Variants in ERC2 observed in about 807,000 individuals in gnomAD.
ERC2 encodes ERC protein 2.
In ERC2, 42 loss-of-function variants were observed where a neutral mutation model predicts 114.8. The ratio of observed to expected loss-of-function variants is 0.37; its 90% CI spans 0.29 to 0.47. The LOEUF (loss-of-function observed/expected upper bound fraction) is 0.47, where lower values mean the gene tolerates loss of function less well. Ranked by LOEUF, ERC2 falls within the 20% of genes least tolerant of loss-of-function variation. The pLI, the probability that ERC2 is intolerant of heterozygous loss-of-function variation, is 0.99. For missense variants in ERC2, 939 were observed against 1,150.7 expected (o/e 0.82, Z 2.66); for synonymous variants, 454 against 425.5 (o/e 1.07, Z -0.82).
intron 13 of ERC2, among the ~76,000 whole-genome samples, chr3:55,920,447 C>CACACACAG (rs59688935): frequency 7.2e-6 from 1 of 139,620 alleles, no homozygotes. Context: ...CACACACACA[C>CACACACAG]CCCAAGTGAG....
chr3:56,349,435 T>C (rs570167855), intron 2 of ERC2, among the ~76,000 whole-genome samples: 1 of 152,240 alleles, frequency 6.6e-6, no homozygotes, highest in Admixed American at 6.5e-5. Context: ...AATTACCAGA[T>C]GTGAACTAAG....
intron 2 of ERC2, among the ~76,000 whole-genome samples, chr3:56,316,425 A>T (rs1184490303): frequency 6.6e-6 from 1 of 152,212 alleles, no homozygotes; most frequent in African/African-American, 2.4e-5. Context: ...TGCTGTTATT[A>T]TGAGTTACTG....
rs538677586 is a variant in ERC2, at chr3:55,957,686, G to T, written c.2268-7126C>A. 4.6e-5 allele frequency among the ~76,000 whole-genome samples: 7 copies of T among 152,316 alleles called. No individual in the cohort carries two copies. The East Asian group carries it at 1.4e-3, about 29-fold the overall frequency. ...TGAGGGGTGTGTGAGCAAGCATGGGGTCTGACTACTACGCACAGCCAGGTG... is the reference window on the plus strand; with the variant it reads ...TGAGGGGTGTGTGAGCAAGCATGGGTTCTGACTACTACGCACAGCCAGGTG... On this transcript the variant is annotated intron_variant, in intron 12 of 17. Transcript: ENST00000288221.
intron 2 of ERC2, among the ~76,000 whole-genome samples, chr3:56,326,427 AC>A (rs947279261): frequency 6.6e-5 from 10 of 152,118 alleles, no homozygotes; most frequent in Admixed American, 3.9e-4. Flanking sequence ...GTCTCAACCC[AC>A]CCACCCAAAC....
At chr3:56,032,917 A>AGAGAGAGAGACAGAC (rs1560056305) in intron 7 of ERC2, among the ~76,000 whole-genome samples, 1 of 75,966 alleles carries the variant, frequency 1.3e-5, no homozygotes, top group African/African-American at 4.1e-5. Context: ...GAAAGAAAGA[A>AGAGAGAGAGACAGAC]AGAAAGAAAG....
At chr3:56,380,035 C>T (rs2059690019) in intron 2 of ERC2, among the ~76,000 whole-genome samples, 1 of 151,992 alleles carries the variant, frequency 6.6e-6, no homozygotes, top group Non-Finnish European at 1.5e-5. Flanking sequence ...GCACCCCGGG[C>T]CCCCTCACTA....
intron 2 of ERC2, among the ~76,000 whole-genome samples, chr3:56,358,545 A>G (rs578198046): frequency 6.6e-6 from 1 of 152,374 alleles, no homozygotes; most frequent in East Asian, 1.9e-4. Context: ...TGTGGTACGT[A>G]ATGCAACTAT....
chr3:55,655,481 T>A (rs1243880986), intron 17 of ERC2, among the ~76,000 whole-genome samples: 1 of 152,238 alleles, frequency 6.6e-6, no homozygotes, highest in Non-Finnish European at 1.5e-5. Context: ...CTATCATAAA[T>A]AAATCTAGAT....
chr3:56,263,259 C>A (rs1430868554), intron 3 of ERC2, among the ~76,000 whole-genome samples: 2 of 151,794 alleles, frequency 1.3e-5, no homozygotes, highest in African/African-American at 2.4e-5. Context: ...CCATCACTTC[C>A]CCCATGAAGA....
intron 14 of ERC2, among the ~76,000 whole-genome samples, chr3:55,738,801 G>A (rs1157268067): frequency 6.6e-6 from 1 of 152,306 alleles, no homozygotes; most frequent in Middle Eastern, 3.4e-3. Context: ...TGGTGCACAT[G>A]TGCAGAATGT....
intron 14 of ERC2, among the ~76,000 whole-genome samples, chr3:55,873,572 A>C (rs1039529985): frequency 6.6e-6 from 1 of 152,242 alleles, no homozygotes; most frequent in Non-Finnish European, 1.5e-5. Flanking sequence ...AAACATGAAT[A>C]ATCTGATGAT....
At chr3:55,591,026 A>G (rs1432136289) in intron 17 of ERC2, among the ~76,000 whole-genome samples, 2 of 151,930 alleles carry the variant, frequency 1.3e-5, no homozygotes, top group African/African-American at 2.4e-5. Context: ...ATGGGGTTTC[A>G]CCACGTTGGC....
intron 7 of ERC2, among the ~76,000 whole-genome samples, chr3:56,034,776 T>C (rs1331960527): frequency 1.3e-5 from 2 of 151,516 alleles, no homozygotes; most frequent in African/African-American, 4.9e-5. Context: ...TTGAAACAAA[T>C]AAAAATGGAA....
intron 1 of ERC2, among the ~76,000 whole-genome samples, chr3:56,448,160 C>T (rs2062666031): frequency 1.3e-5 from 2 of 152,124 alleles, no homozygotes; most frequent in Non-Finnish European, 2.9e-5. Flanking sequence ...GTATATGACC[C>T]AAAAGCACTT....
chr3:56,007,409 A>C (rs1026617774), intron 9 of ERC2, 88 bp from the exon 10 acceptor site: 16 of 1,191,058 alleles, frequency 1.3e-5, no homozygotes, highest in Non-Finnish European at 1.7e-5. Context: ...TATACATAGC[A>C]ATAAAGTGTG....
At chr3:55,676,688 A>G (rs1238369570) in intron 17 of ERC2, among the ~76,000 whole-genome samples, 1 of 151,976 alleles carries the variant, frequency 6.6e-6, no homozygotes. Flanking sequence ...TTTCCTTCAC[A>G]TGCTCTTTTC....
rs1575943103 is a variant in ERC2 at position 55,870,156 on chromosome 3, C to T, written c.2564+18233G>A. Among the ~76,000 whole-genome samples, 6 of 151,978 alleles carry T rather than the reference C, an allele frequency of 3.9e-5. No individual in the cohort carries two copies. The South Asian group carries it at 1.0e-3, about 26-fold the overall frequency. On this transcript the variant is annotated intron_variant, in intron 14 of 17. Transcript: ENST00000288221. ...GTGGTATGATCTCAGCTCACTGCAA[C>T]CTCTGCCTCCTGGGTTCAAGCAATT...
intron 4 of ERC2, among the ~76,000 whole-genome samples, chr3:56,163,775 G>A (rs1281243957): frequency 6.6e-6 from 1 of 152,024 alleles, no homozygotes; most frequent in Non-Finnish European, 1.5e-5. Context: ...TGTGATGTGG[G>A]TCTCTTGAAG....
rs553168109 is a variant in ERC2 at position 56,343,594 on chromosome 3, G to A, written c.658-47159C>T. On this transcript the variant is annotated intron_variant, in intron 2 of 17. Transcript: ENST00000288221. ...GATCACCTTACTGCATTCCAGCCTC[G>A]GCAAAAAGTGAGACTTCATCTCTAA... Among the ~76,000 whole-genome samples the A allele has an allele frequency of 4.3e-4, 66 of 151,916 alleles. 1 individual carries two copies. Among genetic ancestry groups the A allele is most frequent in the African/African-American group, 1.0e-3 (43 of 41,478 alleles).
Sources: allele counts gnomAD v4.1 joint callset (sites outside exome capture counted in the v4.1 genomes callset), GRCh38; gene constraint gnomAD v4.1.1; transcripts MANE v1.5; gene names NCBI Gene and HGNC (gene_info 2026-07-23, HGNC 2026-07-21).